Variants in ANKS6 observed in about 807,000 individuals in gnomAD.
ANKS6 encodes the protein ankyrin repeat and sterile alpha motif domain containing 6.
In ANKS6, 47 loss-of-function variants were observed where a neutral mutation model predicts 77.9. That is an observed-to-expected ratio of 0.60 (90% CI 0.48 to 0.77). The LOEUF (loss-of-function observed/expected upper bound fraction) is 0.77, where lower values mean the gene tolerates loss of function less well. Ranked by LOEUF, ANKS6 falls within the 30% of genes least tolerant of loss-of-function variation. The probability of loss-of-function intolerance (pLI) is 0.00; values close to 1 mark genes in which losing one functional copy is unlikely to be tolerated. For synonymous variants in ANKS6, 488 were observed against 501.7 expected, an observed-to-expected ratio of 0.97 and a Z score of 0.37; for missense variants, 1,150 against 1,159.1, an observed-to-expected ratio of 0.99 and a Z score of 0.11.
chr9:98,794,148 CA>C (rs375021953), intron 1 of ANKS6, among the ~76,000 whole-genome samples: 25 of 109,964 alleles, frequency 2.3e-4, no homozygotes, highest in Admixed American at 1.6e-3. Context: ...GACTCCGTCT[CA>C]AAAAAAAAAA....
Position 98,760,189 on chromosome 9 carries a change from A to G in ANKS6, c.2143-3586T>C, listed in dbSNP as rs11790188. ...GGAGGAAGGGGCAAGGAGCTCCCAC[A>G]CTCTTCCTGGGCATACTACCCTCCA... On this transcript the variant is annotated intron_variant, in intron 11 of 14. Transcript: ENST00000353234. Among the ~76,000 whole-genome samples the G allele has an allele frequency of 8.2e-3, 1,254 of 152,032 alleles. 10 individuals are homozygous for G. The highest frequency in any genetic ancestry group is 0.032 in the South Asian group (152 of 4,814).
intron 11 of ANKS6, among the ~76,000 whole-genome samples, chr9:98,760,310 T>C (rs1031428512): frequency 2.6e-5 from 4 of 152,150 alleles, no homozygotes; most frequent in Non-Finnish European, 5.9e-5. Flanking sequence ...AATTAAATCA[T>C]TGGCCACTGA....
At position 98,751,016 on chromosome 9, in the gene ANKS6, AG is replaced by A; in HGVS notation, c.2394+12del. ...GTAAGATTTAAATTGACATTCAAAA[AG>A]AGCATTCTTACCTCTTGTTCCTCAA... On this transcript the variant is annotated intron_variant, in intron 13 of 14. Transcript: ENST00000353234. The A allele has an allele frequency of 6.3e-7, 1 of 1,593,386 alleles. No individual in the cohort carries two copies.
intron 11 of ANKS6, among the ~76,000 whole-genome samples, chr9:98,757,221 CACA>C (rs1832762935): frequency 6.6e-6 from 1 of 152,156 alleles, no homozygotes; most frequent in Non-Finnish European, 1.5e-5. Context: ...CTGACATTGA[CACA>C]ACACTATTAA....
At position 98,734,961 on chromosome 9, in the gene ANKS6, C is replaced by T; in HGVS notation, c.*1558G>A. The T allele has an allele frequency of 1.0e-6, 1 of 985,442 alleles. No homozygotes were observed. 61.0% of individuals were successfully genotyped at this position (985,442 alleles called of 1,614,324 possible). On this transcript the variant is annotated 3_prime_UTR_variant, in exon 15 of 15. Coordinates refer to ENST00000353234, the MANE Select transcript of ANKS6 (RefSeq NM_173551.5). ...CAACCATCAGGGCAGGGGAAGAAAA[C>T]TACGAGGCTCTGGGCAGTAAGTTAA...
intron 2 of ANKS6, among the ~76,000 whole-genome samples, chr9:98,787,590 T>G (rs1834644931): frequency 6.6e-6 from 1 of 152,224 alleles, no homozygotes; most frequent in African/African-American, 2.4e-5. Flanking sequence ...TCGGAATGAA[T>G]GTATCATCAA....
intron 8 of ANKS6, among the ~76,000 whole-genome samples, chr9:98,774,884 G>C (rs748744127): frequency 1.3e-5 from 2 of 152,182 alleles, no homozygotes; most frequent in Non-Finnish European, 2.9e-5. Flanking sequence ...AGCTAAACTC[G>C]CCTCGGGAGC....
At chr9:98,756,299 T>C in intron 12 of ANKS6, 121 bp downstream of exon 12, 2 of 1,105,814 alleles carry the variant, frequency 1.8e-6, no homozygotes, top group Non-Finnish European at 2.5e-6. Context: ...ATGTTTGTCG[T>C]AAATCTTCTT....
chr9:98,752,875 G>C (rs1485147711), intron 12 of ANKS6, among the ~76,000 whole-genome samples: 1 of 152,180 alleles, frequency 6.6e-6, no homozygotes. Flanking sequence ...CCCAGCCCAA[G>C]GTACTAGGGA....
intron 14 of ANKS6, among the ~76,000 whole-genome samples, chr9:98,741,184 C>T (rs557014224): frequency 6.6e-4 from 100 of 152,302 alleles, no homozygotes; most frequent in African/African-American, 2.1e-3. Context: ...AATTTTAGCA[C>T]ATCTATGCAA....
At chr9:98,745,807 G>A (rs1832096716) in intron 13 of ANKS6, 132 bp from the exon 14 acceptor site, 1 of 678,056 alleles carries the variant, frequency 1.5e-6, no homozygotes, top group South Asian at 1.9e-5. Flanking sequence ...CTACTTCTAA[G>A]TCCTGACTTT....
Position 98,735,913 on chromosome 9 carries a change from T to C in ANKS6, c.*606A>G, listed in dbSNP as rs549499400. On this transcript the variant is annotated 3_prime_UTR_variant, in exon 15 of 15. Transcript: ENST00000353234. ...TGAAAGGGGGTCAAAAAAGACTTCA[T>C]CTGAGAGGTGACTTGGACTAGGAGG... is the stretch of plus-strand genomic sequence containing the variant. 1.6e-6 allele frequency: 2 copies of C among 1,231,400 alleles called. No individual in the cohort carries two copies. The highest frequency in any genetic ancestry group is 1.6e-5 in the African/African-American group (1 of 64,510). The allele number at this position is 1,231,400 out of a possible 1,614,324, so 76.3% of individuals were successfully genotyped here. A position where few individuals can be genotyped will look rare whatever the true frequency, so the allele number is the denominator to read the frequency against.
chr9:98,733,297 C>T lies in ANKS6; in HGVS notation c.*3222G>A. On this transcript the variant is annotated 3_prime_UTR_variant, in exon 15 of 15. Coordinates refer to ENST00000353234, the MANE Select transcript of ANKS6 (RefSeq NM_173551.5). ...AAGAGAGGCAGGAGCCCTCCGTGGC[C>T]AGCAGGGACTTGGACATCCAGCACT... is the stretch of plus-strand genomic sequence containing the variant. 1 of 985,526 alleles carries T rather than the reference C, an allele frequency of 1.0e-6. No homozygotes were observed. 61.0% of individuals were successfully genotyped at this position (985,526 alleles called of 1,614,324 possible).
intron 9 of ANKS6, among the ~76,000 whole-genome samples, chr9:98,771,453 T>C (rs1199889701): frequency 6.6e-6 from 1 of 152,194 alleles, no homozygotes; most frequent in African/African-American, 2.4e-5. Context: ...TCCGTGATGC[T>C]GCCTCTGTTG....
intron 12 of ANKS6, among the ~76,000 whole-genome samples, chr9:98,752,817 T>C (rs1832502724): frequency 1.3e-5 from 2 of 152,222 alleles, no homozygotes; most frequent in South Asian, 2.1e-4. Context: ...GTGCATGCTA[T>C]GGTGAAGAGC....
Position 98,735,392 on chromosome 9 carries a change from T to C in ANKS6, c.*1127A>G. 1 of 1,118,324 alleles carries C rather than the reference T, an allele frequency of 8.9e-7. No homozygotes were observed. Among genetic ancestry groups the C allele is most frequent in the Non-Finnish European group, 1.1e-6 (1 of 917,324 alleles). 69.3% of individuals were successfully genotyped at this position (1,118,324 alleles called of 1,614,324 possible). A position where few individuals can be genotyped will look rare whatever the true frequency, so the allele number is the denominator to read the frequency against. On this transcript the variant is annotated 3_prime_UTR_variant, in exon 15 of 15. Transcript: ENST00000353234. ...CAACAAGCACTGGCTGAATGAGTCATTCACTGGAAAACACTTCAGAAAGCC... is the reference window on the plus strand; with the variant it reads ...CAACAAGCACTGGCTGAATGAGTCACTCACTGGAAAACACTTCAGAAAGCC...
chr9:98,786,278 C>T (rs560850302), intron 2 of ANKS6, among the ~76,000 whole-genome samples: 12 of 149,886 alleles, frequency 8.0e-5, no homozygotes, highest in African/African-American at 2.2e-4. Context: ...CGCTCCAGGC[C>T]GGAACTCCAG....
At chr9:98,747,879 C>A (rs913428564) in intron 13 of ANKS6, among the ~76,000 whole-genome samples, 1 of 152,256 alleles carries the variant, frequency 6.6e-6, no homozygotes, top group African/African-American at 2.4e-5. Flanking sequence ...CAGGCCCTGA[C>A]TGGTCAAGCT....
At chr9:98,761,702 G>C (rs576624802) in intron 11 of ANKS6, among the ~76,000 whole-genome samples, 1 of 152,120 alleles carries the variant, frequency 6.6e-6, no homozygotes, top group South Asian at 2.1e-4. Flanking sequence ...AATTGCCTTT[G>C]TACCTTTAAA....
Sources: gnomAD v4.1 joint callset for allele counts (sites outside exome capture counted in the v4.1 genomes callset) on GRCh38, gnomAD v4.1.1 for gene constraint, MANE v1.5 for transcripts, NCBI Gene and HGNC (gene_info 2026-07-23, HGNC 2026-07-21) for gene names.